KMT2A: variants seen among roughly 807,000 people sequenced by gnomAD.
KMT2A encodes histone-lysine N-methyltransferase 2A.
A neutral mutation model predicts 345.3 loss-of-function variants in KMT2A; 16 were observed. That is an observed-to-expected ratio of 0.05 (90% CI 0.03 to 0.07). KMT2A has a LOEUF of 0.07. Among genes scored for constraint, KMT2A ranks in the 10% least tolerant of loss-of-function variants. KMT2A has a pLI of 1.00. For synonymous variants in KMT2A, 1,599 were observed against 1,778.6 expected (o/e 0.90, Z 2.54); for missense variants, 3,272 against 4,841.6 (o/e 0.68, Z 9.62).
At chr11:118,488,372 A>G in intron 10 of KMT2A, 2 of 514,824 alleles carry the variant, frequency 3.9e-6, no homozygotes, top group South Asian at 3.9e-5. Context: ...GTTCTGTTAA[A>G]TCTTGTATTA....
Position 118,436,803 on chromosome 11 carries a change from C to G in KMT2A, c.291C>G (p.Ser97=). 2.5e-6 allele frequency: 4 copies of G among 1,609,572 alleles called. No homozygotes were observed. Among genetic ancestry groups the G allele is most frequent in the Non-Finnish European group, 3.4e-6 (4 of 1,178,404 alleles). Residue 97 remains serine, a synonymous_variant, in exon 1 of 36, where the codon TCC becomes TCG. Transcript: ENST00000534358. This position sits in a 1 kb window ranked among gnomAD's most constrained non-coding sequence, Gnocchi z 6.9. ...SSASSSSSSS[S]SASSGPALLR... ...CCTCGTCTTCGTCTTCGTCATCGTC[C>G]TCAGCCTCTTCAGGGCCGGCCCTGC...
chr11:118,455,600 A>T (rs1056630849), intron 1 of KMT2A, among the ~76,000 whole-genome samples: 19 of 152,200 alleles, frequency 1.2e-4, no homozygotes, highest in African/African-American at 4.3e-4. Flanking sequence ...TTTTCAGCCT[A>T]ATCAGTTTTT....
At position 118,437,020 on chromosome 11, in the gene KMT2A, G is replaced by C. The variant is rs1286784216; in HGVS notation, c.432+76G>C. 59 of 1,347,842 alleles carry C rather than the reference G, an allele frequency of 4.4e-5. No individual in the cohort carries two copies. The Admixed American group carries it at 1.9e-3, about 44-fold the overall frequency. The allele number at this position is 1,347,842 out of a possible 1,614,324, so 83.5% of individuals were successfully genotyped here. On this transcript the variant is annotated intron_variant, in intron 1 of 35. Transcript: ENST00000534358. ...CCCCTCCCCTCCCCCATCCGGGATT[G>C]AGGAGCATCCCAATTCTGGGACCAT...
chr11:118,464,088 T>G (rs1555033530), intron 1 of KMT2A, among the ~76,000 whole-genome samples: 1 of 152,214 alleles, frequency 6.6e-6, no homozygotes, highest in Non-Finnish European at 1.5e-5. Context: ...AAGATGATGT[T>G]GAAGATGAAG....
Position 118,506,622 on chromosome 11 carries a change from C to G in KMT2A, c.10730C>G (p.Thr3577Arg), listed in dbSNP as rs782625001. The G allele has an allele frequency of 6.2e-7, 1 of 1,607,100 alleles. No individual in the cohort carries two copies. Among genetic ancestry groups the G allele is most frequent in the Non-Finnish European group, 8.5e-7 (1 of 1,175,702 alleles). The change falls in exon 27 of 36, where the codon ACG becomes AGG. Residue 3577 changes from threonine (T) to arginine (R), a missense_variant. Physicochemically the swap from Thr to Arg is moderately conservative, Grantham distance 71 (BLOSUM62 -1). Around this residue, in one of 27 missense-constraint regions of KMT2A, gnomAD observed 748 missense variants for 922.2 expected, o/e 0.81. Coordinates refer to ENST00000534358, the MANE Select transcript of KMT2A (RefSeq NM_001197104.2). ...SSEAHIPDQE[T>R]TSLTSGTGTP... The stretch of plus-strand genomic sequence containing the variant: ...GAAGCACACATTCCAGACCAAGAAA[C>G]GACATCCCTGACCTCAGGCACAGGG...
chr11:118,503,143 C>G lies in KMT2A; in HGVS notation c.7251C>G (p.Ile2417Met), dbSNP rs1433310235. 6.2e-7 allele frequency: 1 copy of G among 1,613,778 alleles called. No homozygotes were observed. Among genetic ancestry groups the G allele is most frequent in the African/African-American group, 1.3e-5 (1 of 75,002 alleles). The change falls in exon 27 of 36, where the codon ATC becomes ATG. Residue 2417 changes from isoleucine (I) to methionine (M), a missense_variant. Physicochemically the swap from Ile to Met is conservative, Grantham distance 10 (BLOSUM62 1). Transcript: ENST00000534358. This position sits in a 1 kb window ranked among gnomAD's most constrained non-coding sequence, Gnocchi z 5.3. Reference protein sequence around the residue: ...LSGMSNRSSIINEHMGSSSRD... With the variant: ...LSGMSNRSSIMNEHMGSSSRD... ...GAATGAGCAACAGATCATCCATTAT[C>G]AACGAACATATGGGATCTAGTTCCA... is the stretch of plus-strand genomic sequence containing the variant.
intron 1 of KMT2A, among the ~76,000 whole-genome samples, chr11:118,445,136 G>A (rs782271829): frequency 1.1e-4 from 16 of 151,970 alleles, no homozygotes; most frequent in Non-Finnish European, 7.4e-5. Context: ...ACACCTATTT[G>A]AGTGCTATAA....
intron 32 of KMT2A, 39 bp downstream of exon 32, chr11:118,519,831 G>A (rs781877382): frequency 1.1e-5 from 18 of 1,598,942 alleles, no homozygotes; most frequent in African/African-American, 9.4e-5. Flanking sequence ...TTTGGGTCTC[G>A]ATTTTCTTAT....
At chr11:118,450,055 T>C (rs1949502727) in intron 1 of KMT2A, 1 of 152,212 alleles carries the variant, frequency 6.6e-6, no homozygotes, top group South Asian at 2.1e-4. Context: ...TATGGTACTT[T>C]CCTATTAGAG....
rs1168909109 is a variant in KMT2A, at chr11:118,498,838, T to C, written c.5961+310T>C. ...GTATATCCACCATTATACCATCATA[T>C]GGAGTATTTTCGCTGCCTTAAACAT... On this transcript the variant is annotated intron_variant, in intron 22 of 35. Transcript: ENST00000534358. The surrounding 1 kb of genome is among the most constrained non-coding windows in gnomAD (Gnocchi z 4.4). Among the ~76,000 whole-genome samples the C allele has an allele frequency of 1.3e-5, 2 of 152,228 alleles. No homozygotes were observed. The highest frequency in any genetic ancestry group is 4.8e-5 in the African/African-American group (2 of 41,460).
chr11:118,443,257 A>G (rs1405081108), intron 1 of KMT2A, among the ~76,000 whole-genome samples: 2 of 152,224 alleles, frequency 1.3e-5, no homozygotes, highest in Non-Finnish European at 2.9e-5. Context: ...AGTCTCTGCA[A>G]AAACCCTGAG....
rs781926768 is a variant in KMT2A, at chr11:118,502,838, T to C, written c.6946T>C (p.Ser2316Pro). ...LKGEKTKVLS[S>P]KSSEGSAHNV... Reference sequence around the variant, plus strand: ...GGGAGAGAAGACCAAAGTGCTGAGTTCCAAGAGCTCAGAGGGATCTGCACA... The same window carrying C: ...GGGAGAGAAGACCAAAGTGCTGAGTCCCAAGAGCTCAGAGGGATCTGCACA... Residue 2316 changes from serine to proline, a missense_variant, in exon 27 of 36, where the codon TCC becomes CCC. Transcript: ENST00000534358. The surrounding 1 kb of genome is among the most constrained non-coding windows in gnomAD (Gnocchi z 4.9). 3 of 1,614,198 alleles carry C rather than the reference T, an allele frequency of 1.9e-6. No homozygotes were observed. The highest frequency in any genetic ancestry group is 2.5e-6 in the Non-Finnish European group (3 of 1,180,032).
intron 1 of KMT2A, among the ~76,000 whole-genome samples, chr11:118,463,907 A>T (rs1555033453): frequency 6.6e-6 from 1 of 152,246 alleles, no homozygotes; most frequent in Non-Finnish European, 1.5e-5. Context: ...CATCAGTTTG[A>T]AAAGAGCCCC....
At chr11:118,518,071 C>A (rs1288530742) in intron 31 of KMT2A, among the ~76,000 whole-genome samples, 2 of 152,114 alleles carry the variant, frequency 1.3e-5, no homozygotes, top group Non-Finnish European at 2.9e-5. Context: ...CAATTGCAGT[C>A]CTAATACAAT....
chr11:118,468,702 T>C (rs1949890898), intron 1 of KMT2A, 73 bp from the exon 2 acceptor site: 1 of 1,144,552 alleles, frequency 8.7e-7, no homozygotes, highest in African/African-American at 1.5e-5. Flanking sequence ...GTGTCTCCTC[T>C]GGGCATTTCT....
intron 31 of KMT2A, among the ~76,000 whole-genome samples, chr11:118,516,385 A>T (rs1308886633): frequency 6.6e-6 from 1 of 152,154 alleles, no homozygotes; most frequent in Non-Finnish European, 1.5e-5. Context: ...GAGGAAGGAG[A>T]GTTTGAGCTT....
At position 118,472,437 on chromosome 11, in the gene KMT2A, G is replaced by A. The variant is rs952490640; in HGVS notation, c.1278G>A (p.Arg426=). 4.3e-6 allele frequency: 7 copies of A among 1,613,962 alleles called. No individual in the cohort carries two copies. The highest frequency in any genetic ancestry group is 1.6e-4 in the Middle Eastern group (1 of 6,062). ...AISSRIIKTP[R]RFIEDEDYDP... The stretch of plus-strand genomic sequence containing the variant: ...CCTCGCGGATCATTAAGACCCCTCG[G>A]CGGTTTATAGAGGATGAGGATTATG... Residue 426 remains arginine (R), a synonymous_variant, in exon 3 of 36, where the codon CGG becomes CGA. Transcript: ENST00000534358.
Position 118,506,400 on chromosome 11 carries a change from C to T in KMT2A, c.10508C>T (p.Ala3503Val). 4 of 1,614,196 alleles carry T rather than the reference C, an allele frequency of 2.5e-6. No homozygotes were observed. The highest frequency in any genetic ancestry group is 3.4e-6 in the Non-Finnish European group (4 of 1,180,028). ...PNSMGLEQNK[A>V]LSSAVQASPT... The stretch of plus-strand genomic sequence containing the variant: ...AGCATGGGACTGGAGCAGAACAAGG[C>T]TTTATCCTCAGCTGTGCAAGCCAGC... Residue 3503 changes from alanine (A) to valine (V), a missense_variant, in exon 27 of 36, where the codon GCT becomes GTT. Transcript: ENST00000534358.
At chr11:118,455,902 C>T (rs559916897) in intron 1 of KMT2A, among the ~76,000 whole-genome samples, 1 of 152,234 alleles carries the variant, frequency 6.6e-6, no homozygotes, top group South Asian at 2.1e-4. Flanking sequence ...GTTGCCCAGG[C>T]TGGTCTTGAA....
Sources: allele counts gnomAD v4.1 joint callset (sites outside exome capture counted in the v4.1 genomes callset), GRCh38; gene constraint gnomAD v4.1.1; regional missense constraint gnomAD v4.1.1; non-coding constraint Gnocchi (gnomAD v3.1); transcripts MANE v1.5; gene names NCBI Gene and HGNC (gene_info 2026-07-23, HGNC 2026-07-21).